SLC14A2: variants seen among roughly 807,000 people sequenced by gnomAD.
The protein encoded by SLC14A2 is solute carrier family 14 member 2.
Under a neutral mutation model 104.6 loss-of-function variants are expected in SLC14A2, and 91 were observed. That is an observed-to-expected ratio of 0.87 (90% CI 0.73 to 1.04). SLC14A2 has a LOEUF of 1.04. SLC14A2 is among the 50% of genes least tolerant of loss of function. The pLI is 0.00. For missense variants in SLC14A2, 1,189 were observed against 1,156.0 expected, an observed-to-expected ratio of 1.03 and a Z score of -0.41; for synonymous variants, 476 against 466.4, an observed-to-expected ratio of 1.02 and a Z score of -0.27.
chr18:45,589,988 A>G (rs2044624538), intron 2 of SLC14A2, among the ~76,000 whole-genome samples: 3 of 152,214 alleles, frequency 2.0e-5, no homozygotes, highest in South Asian at 4.2e-4. Flanking sequence ...TCAGAAAATG[A>G]GGTGGTCGCC....
intron 2 of SLC14A2, among the ~76,000 whole-genome samples, chr18:45,521,514 A>C (rs959697715): frequency 9.2e-5 from 14 of 152,220 alleles, no homozygotes; most frequent in Non-Finnish European, 1.8e-4. Context: ...GAGAGAAGCC[A>C]GAAAGAAGAG....
chr18:45,384,234 G>A (rs1023295650), intron 1 of SLC14A2, among the ~76,000 whole-genome samples: 1 of 152,084 alleles, frequency 6.6e-6, no homozygotes, highest in Non-Finnish European at 1.5e-5. Context: ...AAGTGAGGGG[G>A]CCACACAGAC....
chr18:45,504,163 T>G lies in SLC14A2; in HGVS notation c.-35+20841T>G, dbSNP rs184037910. The stretch of plus-strand genomic sequence containing the variant: ...GTTCATGACTGCAGGGATTTTTTGC[T>G]TGTTTATTTTCTTTTGAAAGATTCT... On this transcript the variant is annotated intron_variant, in intron 2 of 20. Coordinates refer to the SLC14A2 transcript ENST00000586448. Among the ~76,000 whole-genome samples, 395 of 152,326 alleles carry G rather than the reference T, an allele frequency of 2.6e-3. 6 individuals are homozygous for G. Among genetic ancestry groups the G allele is most frequent in the Non-Finnish European group, 4.9e-4 (33 of 68,028 alleles).
intron 1 of SLC14A2, among the ~76,000 whole-genome samples, chr18:45,245,135 G>T (rs1015805390): frequency 6.6e-6 from 1 of 152,142 alleles, no homozygotes; most frequent in African/African-American, 2.4e-5. Context: ...CCTCCTTTCT[G>T]CAGGAGGATC....
intron 1 of SLC14A2, among the ~76,000 whole-genome samples, chr18:45,234,589 G>A (rs2084206950): frequency 6.6e-6 from 1 of 152,310 alleles, no homozygotes; most frequent in African/African-American, 2.4e-5. Context: ...CATAGACTAG[G>A]TGTAAATTAG....
chr18:45,191,954 A>G, the SLC14A2 span, among the ~76,000 whole-genome samples: 2 of 152,236 alleles, frequency 1.3e-5, no homozygotes, highest in South Asian at 2.1e-4. Flanking sequence ...AACTGTTAGG[A>G]GGAAGAAGGA....
intron 1 of SLC14A2, among the ~76,000 whole-genome samples, chr18:45,456,234 CAGAGGA>C (rs1223915333): frequency 2.6e-5 from 4 of 152,226 alleles, no homozygotes; most frequent in South Asian, 2.1e-4. Context: ...CAGGGCTAGG[CAGAGGA>C]AGAGGAAGAG....
intron 18 of SLC14A2, among the ~76,000 whole-genome samples, chr18:45,677,148 ACT>A (rs1485879086): frequency 6.6e-6 from 1 of 151,874 alleles, no homozygotes; most frequent in East Asian, 1.9e-4. Context: ...CTCTCTCCCG[ACT>A]CTGCAAGCCC....
At chr18:45,462,690 G>C (rs189213055) in intron 1 of SLC14A2, among the ~76,000 whole-genome samples, 1 of 152,354 alleles carries the variant, frequency 6.6e-6, no homozygotes, top group Non-Finnish European at 1.5e-5. Context: ...AGATGGAGCA[G>C]CTTTGGAAAC....
At chr18:45,444,475 G>A (rs1302883616) in intron 1 of SLC14A2, among the ~76,000 whole-genome samples, 2 of 152,176 alleles carry the variant, frequency 1.3e-5, no homozygotes, top group African/African-American at 4.8e-5. Flanking sequence ...TTTCTTCCTG[G>A]CTGGATCTGA....
At chr18:45,245,467 A>C (rs1228088179) in intron 1 of SLC14A2, among the ~76,000 whole-genome samples, 1 of 152,192 alleles carries the variant, frequency 6.6e-6, no homozygotes, top group Non-Finnish European at 1.5e-5. Flanking sequence ...TCTTGAATTT[A>C]ACAGAGCTCT....
chr18:45,645,115 T>C (rs2045596821), intron 10 of SLC14A2, among the ~76,000 whole-genome samples: 1 of 152,180 alleles, frequency 6.6e-6, no homozygotes, highest in Non-Finnish European at 1.5e-5. Flanking sequence ...GAACATGTGG[T>C]GTTTGATTTT....
At chr18:45,400,899 C>T (rs1005850731) in intron 1 of SLC14A2, among the ~76,000 whole-genome samples, 1 of 152,184 alleles carries the variant, frequency 6.6e-6, no homozygotes, top group Non-Finnish European at 1.5e-5. Context: ...AGAAGGAGCC[C>T]CTTCGAACTT....
intron 1 of SLC14A2, among the ~76,000 whole-genome samples, chr18:45,338,640 C>G (rs967704844): frequency 7.9e-6 from 1 of 126,166 alleles, no homozygotes; most frequent in Non-Finnish European, 1.6e-5. Context: ...CTCAGGACCT[C>G]TTGAGACTGT....
intron 1 of SLC14A2, among the ~76,000 whole-genome samples, chr18:45,404,794 C>T (rs2086135480): frequency 6.6e-6 from 1 of 152,178 alleles, no homozygotes; most frequent in Non-Finnish European, 1.5e-5. Flanking sequence ...AACCAGTCTT[C>T]TGTGTGTGGA....
At chr18:45,559,032 G>A (rs59546579) in intron 2 of SLC14A2, among the ~76,000 whole-genome samples, 1,773 of 152,056 alleles carry the variant, frequency 0.012, 31 homozygotes, top group African/African-American at 0.041. Context: ...CTCGTGGTCC[G>A]CCCGCCTCGG....
intron 5 of SLC14A2, among the ~76,000 whole-genome samples, chr18:45,633,934 GC>G (rs1388942085): frequency 6.6e-6 from 1 of 152,080 alleles, no homozygotes; most frequent in Non-Finnish European, 1.5e-5. Flanking sequence ...TTTTCTTAAT[GC>G]CCCCCACGTT....
upstream of SLC14A2, among the ~76,000 whole-genome samples, chr18:45,613,813 T>C (rs192567460): frequency 7.2e-5 from 11 of 152,286 alleles, no homozygotes; most frequent in Admixed American, 5.2e-4. Flanking sequence ...GAGAGATTGT[T>C]TGAAATTGGA....
intron 2 of SLC14A2, among the ~76,000 whole-genome samples, chr18:45,527,031 C>T (rs1026387518): frequency 6.6e-6 from 1 of 152,104 alleles, no homozygotes; most frequent in African/African-American, 2.4e-5. Flanking sequence ...TCTACCAAAA[C>T]CTTCATTTTT....
Sources: allele counts gnomAD v4.1 joint callset (sites outside exome capture counted in the v4.1 genomes callset), GRCh38; gene constraint gnomAD v4.1.1; transcripts MANE v1.5; gene names NCBI Gene and HGNC (gene_info 2026-07-23, HGNC 2026-07-21).